Variants in SAMD12 observed in about 807,000 individuals in gnomAD.
The protein encoded by SAMD12 is sterile alpha motif domain-containing protein 12.
SAMD12 carries 9 observed loss-of-function variants against 15.0 expected under a neutral mutation model. That is an observed-to-expected ratio of 0.60 (90% CI 0.36 to 1.05). The LOEUF (loss-of-function observed/expected upper bound fraction) is 1.05. SAMD12 is among the 50% of genes least tolerant of loss of function. The pLI is 0.01. For synonymous variants in SAMD12, 86 were observed against 90.1 expected (o/e 0.96, Z 0.25); for missense variants, 230 against 234.2 (o/e 0.98, Z 0.12).
chr8:118,233,332 A>G (rs1460642262), intron 4 of SAMD12, among the ~76,000 whole-genome samples: 3 of 152,164 alleles, frequency 2.0e-5, no homozygotes, highest in Non-Finnish European at 4.4e-5. Context: ...ACTGACCATG[A>G]CAATTAGGTA....
At chr8:118,327,417 G>C (rs1262376034) in intron 4 of SAMD12, among the ~76,000 whole-genome samples, 1 of 152,112 alleles carries the variant, frequency 6.6e-6, no homozygotes, top group African/African-American at 2.4e-5. Flanking sequence ...CAAAGCATAA[G>C]ACATAGTATC....
At position 118,598,187 on chromosome 8, in the gene SAMD12, A is replaced by C. The variant is rs74810803; in HGVS notation, c.14-17294T>G. Among the ~76,000 whole-genome samples the C allele has an allele frequency of 5.1e-4, 78 of 152,356 alleles. 3 individuals carry two copies. The East Asian group carries it at 0.015, about 29-fold the overall frequency. ...CCTAGTTTCATCCGAGAATCAAAGA[A>C]GCCACATTTGTTATGAACAGAATTG... is the stretch of plus-strand genomic sequence containing the variant. On this transcript the variant is annotated intron_variant, in intron 1 of 3. Transcript: ENST00000314727.
chr8:118,606,422 C>T (rs1029266011), intron 1 of SAMD12, among the ~76,000 whole-genome samples: 3 of 152,090 alleles, frequency 2.0e-5, no homozygotes, highest in Non-Finnish European at 4.4e-5. Flanking sequence ...GTTCCAGCTG[C>T]CAGTGCATCA....
chr8:118,152,680 G>C, the SAMD12 span, among the ~76,000 whole-genome samples: 1 of 152,026 alleles, frequency 6.6e-6, no homozygotes, highest in Non-Finnish European at 1.5e-5. Context: ...TGCATTTTTT[G>C]TAGAGACAGG....
chr8:118,224,018 C>A (rs569484286), intron 4 of SAMD12, among the ~76,000 whole-genome samples: 1 of 152,114 alleles, frequency 6.6e-6, no homozygotes, highest in African/African-American at 2.4e-5. Flanking sequence ...TGGGATAGAT[C>A]CATGAATAGA....
intron 3 of SAMD12, among the ~76,000 whole-genome samples, chr8:118,387,614 G>T (rs976290529): frequency 2.0e-5 from 3 of 152,122 alleles, no homozygotes; most frequent in Admixed American, 6.5e-5. Context: ...CTATAAAACA[G>T]CTGAAGGCCT....
chr8:118,536,070 C>G (rs187701042), intron 2 of SAMD12, among the ~76,000 whole-genome samples: 148 of 152,312 alleles, frequency 9.7e-4, no homozygotes, highest in Non-Finnish European at 1.9e-3. Flanking sequence ...GGAGCTGTTC[C>G]TATTCGGCCA....
At chr8:118,428,774 CT>C (rs1473721520) in intron 3 of SAMD12, among the ~76,000 whole-genome samples, 1 of 152,070 alleles carries the variant, frequency 6.6e-6, no homozygotes, top group Non-Finnish European at 1.5e-5. Context: ...TATGGAATTT[CT>C]ATTTTGTTCT....
chr8:118,489,898 G>C (rs952195599), intron 2 of SAMD12, among the ~76,000 whole-genome samples: 1 of 152,024 alleles, frequency 6.6e-6, no homozygotes, highest in Non-Finnish European at 1.5e-5. Flanking sequence ...TTGAGATCCT[G>C]GTGGACTCTG....
intron 2 of SAMD12, among the ~76,000 whole-genome samples, chr8:118,555,861 A>C (rs59778345): frequency 3.9e-5 from 6 of 152,244 alleles, no homozygotes; most frequent in Non-Finnish European, 8.8e-5. Flanking sequence ...CTGCAATGTA[A>C]AATTGGGTAA....
intron 2 of SAMD12, among the ~76,000 whole-genome samples, chr8:118,488,523 G>A (rs1028695616): frequency 6.6e-6 from 1 of 151,942 alleles, no homozygotes; most frequent in African/African-American, 2.4e-5. Context: ...ATGTTTCTTG[G>A]CACCCAATCC....
intron 2 of SAMD12, among the ~76,000 whole-genome samples, chr8:118,571,649 G>C (rs1207975832): frequency 6.6e-6 from 1 of 152,168 alleles, no homozygotes; most frequent in African/African-American, 2.4e-5. Flanking sequence ...CACAGAGCTT[G>C]GGCCGTCGCT....
At chr8:118,140,371 A>G in the SAMD12 span, among the ~76,000 whole-genome samples, 1 of 152,026 alleles carries the variant, frequency 6.6e-6, no homozygotes, top group East Asian at 1.9e-4. Context: ...TCCTGGGCTC[A>G]GGCAATCCTC....
chr8:118,531,723 CTGTT>C lies in SAMD12; in HGVS notation c.192+48988_192+48991del, dbSNP rs532301046. Among the ~76,000 whole-genome samples, 495 of 152,270 alleles carry C rather than the reference CTGTT, an allele frequency of 3.3e-3. 3 individuals are homozygous for C. The highest frequency in any genetic ancestry group is 0.011 in the African/African-American group (469 of 41,544). On this transcript the variant is annotated intron_variant, in intron 2 of 3. Coordinates refer to ENST00000314727, the MANE Select transcript of SAMD12 (RefSeq NM_207506.3). ...GGGATTTCACTCATGATTTGGCTCT[CTGTT>C]TGTCTGTTATTGGTGTATAAGAATG...
At chr8:118,311,794 T>C (rs1815645198) in intron 4 of SAMD12, among the ~76,000 whole-genome samples, 1 of 152,194 alleles carries the variant, frequency 6.6e-6, no homozygotes, top group South Asian at 2.1e-4. Context: ...AAAGCTACCC[T>C]TTCACTTGAT....
intron 4 of SAMD12, among the ~76,000 whole-genome samples, chr8:118,309,408 A>AGTG (rs1563752458): frequency 6.7e-6 from 1 of 148,816 alleles, no homozygotes; most frequent in Non-Finnish European, 1.5e-5. Flanking sequence ...GTGTGTGTGT[A>AGTG]TGTGTATTAT....
chr8:118,237,820 G>C (rs1420669125), intron 4 of SAMD12, among the ~76,000 whole-genome samples: 1 of 152,122 alleles, frequency 6.6e-6, no homozygotes, highest in South Asian at 2.1e-4. Context: ...TCTTGGCACT[G>C]TTTTCTGCTG....
intron 4 of SAMD12, among the ~76,000 whole-genome samples, chr8:118,269,374 T>C (rs1472990425): frequency 1.3e-5 from 2 of 152,122 alleles, no homozygotes; most frequent in African/African-American, 2.4e-5. Flanking sequence ...AGGCATTTTA[T>C]CAACAGCTAT....
At chr8:118,558,660 G>A (rs1277206383) in intron 2 of SAMD12, among the ~76,000 whole-genome samples, 1 of 152,142 alleles carries the variant, frequency 6.6e-6, no homozygotes, top group Non-Finnish European at 1.5e-5. Flanking sequence ...CCAGGTTCAC[G>A]CCATTCTCCT....
Sources: allele counts gnomAD v4.1 joint callset (sites outside exome capture counted in the v4.1 genomes callset), GRCh38; gene constraint gnomAD v4.1.1; transcripts MANE v1.5; gene names NCBI Gene and HGNC (gene_info 2026-07-23, HGNC 2026-07-21).